Variants in DGKG observed in about 807,000 individuals in gnomAD.
DGKG encodes the protein DAG kinase gamma.
DGKG carries 78 observed loss-of-function variants against 105.3 expected under a neutral mutation model. The observed-to-expected ratio is 0.74, with a 90% confidence interval of 0.62 to 0.89. The LOEUF is 0.89. Ranked by LOEUF, DGKG falls within the 40% of genes least tolerant of loss-of-function variation. The pLI is 0.00. For missense variants in DGKG, 958 were observed against 1,020.1 expected (o/e 0.94, Z 0.83); for synonymous variants, 346 against 367.1 (o/e 0.94, Z 0.66).
chr3:186,283,989 CTGTT>C (rs534349270), intron 7 of DGKG, among the ~76,000 whole-genome samples: 2 of 152,338 alleles, frequency 1.3e-5, no homozygotes, highest in East Asian at 3.9e-4. Context: ...CTGTCTGACT[CTGTT>C]TGCCTTCTTC....
chr3:186,324,241 A>G (rs914068116), intron 1 of DGKG, among the ~76,000 whole-genome samples: 2 of 152,202 alleles, frequency 1.3e-5, no homozygotes, highest in Non-Finnish European at 2.9e-5. Flanking sequence ...CAGAAGGCAG[A>G]GAATTTGAAT....
chr3:186,302,488 ATATATATATATATATATACATATG>A (rs1560143534), intron 3 of DGKG, among the ~76,000 whole-genome samples: 1 of 24,182 alleles, frequency 4.1e-5, no homozygotes, highest in African/African-American at 3.0e-4. Context: ...ATATATATAT[ATATATATATATATATATACATATG>A]TGTATATATA....
intron 10 of DGKG, 57 bp downstream of exon 10, chr3:186,275,490 A>C (rs892543993): frequency 9.0e-6 from 13 of 1,448,922 alleles, no homozygotes; most frequent in Middle Eastern, 1.7e-4. Flanking sequence ...GGATCAACCA[A>C]CCATGCGCAG....
At chr3:186,322,633 A>G (rs1396504193) in intron 1 of DGKG, among the ~76,000 whole-genome samples, 1 of 151,958 alleles carries the variant, frequency 6.6e-6, no homozygotes, top group Non-Finnish European at 1.5e-5. Flanking sequence ...CCCTCTTCTC[A>G]CTCTACATCC....
chr3:186,191,324 A>C (rs1717896290), intron 21 of DGKG, among the ~76,000 whole-genome samples: 1 of 152,258 alleles, frequency 6.6e-6, no homozygotes, highest in Admixed American at 6.5e-5. Context: ...CAGGGATCAG[A>C]ATAAAGTGTA....
intron 17 of DGKG, among the ~76,000 whole-genome samples, chr3:186,256,960 C>T (rs1393922530): frequency 6.6e-6 from 1 of 152,216 alleles, no homozygotes; most frequent in African/African-American, 2.4e-5. Flanking sequence ...TGTTCATTGC[C>T]TGTCTCTTTC....
Position 186,188,415 on chromosome 3 carries a change from C to A in DGKG, c.1918-36G>T, listed in dbSNP as rs750627171. 7 of 1,607,350 alleles carry A rather than the reference C, an allele frequency of 4.4e-6. No individual in the cohort carries two copies. The African/African-American group carries it at 8.0e-5, about 18-fold the overall frequency. On this transcript the variant is annotated intron_variant, in intron 21 of 24. Transcript: ENST00000265022. ...GAGAGAAAAGGCCATCTGTTAGTGT[C>A]CTCAGTGTGTCACAACCCAAGGTGC...
intron 22 of DGKG, among the ~76,000 whole-genome samples, chr3:186,181,139 C>A (rs1195563881): frequency 6.6e-6 from 1 of 152,142 alleles, no homozygotes; most frequent in Non-Finnish European, 1.5e-5. Flanking sequence ...TAGCATAGTT[C>A]CTAATTATAT....
intron 21 of DGKG, among the ~76,000 whole-genome samples, chr3:186,198,103 T>C (rs1718274130): frequency 1.3e-5 from 2 of 152,202 alleles, no homozygotes; most frequent in South Asian, 4.1e-4. Flanking sequence ...AATATAACTA[T>C]TTGTGAGTTG....
chr3:186,344,822 C>G (rs1454731970), intron 1 of DGKG, among the ~76,000 whole-genome samples: 1 of 152,122 alleles, frequency 6.6e-6, no homozygotes, highest in African/African-American at 2.4e-5. Context: ...CTTTGAGGAA[C>G]CTGCTGAGGT....
chr3:186,355,359 T>C (rs1400692931), intron 1 of DGKG, among the ~76,000 whole-genome samples: 2 of 60,366 alleles, frequency 3.3e-5, no homozygotes, highest in Non-Finnish European at 3.1e-5. Flanking sequence ...ACACTACTCC[T>C]ACCACCATGA....
intron 7 of DGKG, chr3:186,281,095 T>C (rs2239626): frequency 0.4 from 74,931 of 187,998 alleles, 18,484 homozygotes; most frequent in African/African-American, 0.74. Flanking sequence ...TACTTACAAA[T>C]CAAGGCAGAT....
intron 1 of DGKG, among the ~76,000 whole-genome samples, chr3:186,338,186 A>G (rs1245379144): frequency 6.6e-6 from 1 of 151,498 alleles, no homozygotes; most frequent in Non-Finnish European, 1.5e-5. Flanking sequence ...AAAAAAAAAA[A>G]AAGAAAGAAG....
chr3:186,203,051 A>G lies in DGKG; in HGVS notation c.1917+8744T>C, dbSNP rs1238499801. Among the ~76,000 whole-genome samples the G allele has an allele frequency of 6.6e-6, 1 of 152,238 alleles. No homozygotes were observed. The highest frequency in any genetic ancestry group is 1.5e-5 in the Non-Finnish European group (1 of 68,044). Reference sequence around the variant, plus strand: ...ACTACAGGGTGCACATTAGTAAGAAATAAAAAAGAGGGTCATTTAAGAAAA... The same window carrying G: ...ACTACAGGGTGCACATTAGTAAGAAGTAAAAAAGAGGGTCATTTAAGAAAA... On this transcript the variant is annotated intron_variant, in intron 21 of 24. Transcript: ENST00000265022. This position sits in a 1 kb window ranked among gnomAD's most constrained non-coding sequence, Gnocchi z 4.9.
chr3:186,296,940 G>A (rs956372133), intron 5 of DGKG, among the ~76,000 whole-genome samples: 1 of 152,130 alleles, frequency 6.6e-6, no homozygotes, highest in Non-Finnish European at 1.5e-5. Flanking sequence ...TATATATGTT[G>A]TTGGAAGTCA....
intron 20 of DGKG, among the ~76,000 whole-genome samples, chr3:186,239,153 C>T (rs902073450): frequency 3.9e-5 from 6 of 152,158 alleles, no homozygotes; most frequent in Non-Finnish European, 7.3e-5. Flanking sequence ...TGAATGATTC[C>T]GGTTTCCTGG....
At chr3:186,250,590 T>A (rs1461147302) in intron 19 of DGKG, among the ~76,000 whole-genome samples, 1 of 95,598 alleles carries the variant, frequency 1.0e-5, no homozygotes, top group African/African-American at 3.5e-5. Flanking sequence ...CGCTCTGTTG[T>A]CCAGGTTGGA....
intron 3 of DGKG, among the ~76,000 whole-genome samples, chr3:186,301,137 T>A (rs1031144969): frequency 7.2e-5 from 11 of 152,222 alleles, no homozygotes; most frequent in African/African-American, 2.7e-4. Context: ...CTTTTCTATG[T>A]CCATTGTCCC....
At chr3:186,242,398 T>C in intron 20 of DGKG, 106 bp downstream of exon 20, 1 of 893,794 alleles carries the variant, frequency 1.1e-6, no homozygotes, top group Non-Finnish European at 1.7e-6. Context: ...GAAGGCCAAG[T>C]CCCCAGCGGC....
Sources: allele counts gnomAD v4.1 joint callset (sites outside exome capture counted in the v4.1 genomes callset), GRCh38; gene constraint gnomAD v4.1.1; non-coding constraint Gnocchi (gnomAD v3.1); transcripts MANE v1.5; gene names NCBI Gene and HGNC (gene_info 2026-07-23, HGNC 2026-07-21).